Variants in LRRC7 observed in about 807,000 individuals in gnomAD.
LRRC7 encodes the protein leucine-rich repeat-containing protein 7.
A neutral mutation model predicts 175.7 loss-of-function variants in LRRC7; 23 were observed. The ratio of observed to expected loss-of-function variants is 0.13; its 90% CI spans 0.09 to 0.19. The LOEUF is 0.19. LRRC7 is among the 10% of genes least tolerant of loss of function. The pLI, the probability that LRRC7 is intolerant of heterozygous loss-of-function variation, is 1.00. For missense variants in LRRC7, 1,354 were observed against 1,904.7 expected (o/e 0.71, Z 5.38); for synonymous variants, 685 against 680.9 (o/e 1.01, Z -0.09).
intron 4 of LRRC7, among the ~76,000 whole-genome samples, chr1:69,806,443 A>G (rs1244631952): frequency 6.6e-6 from 1 of 151,912 alleles, no homozygotes; most frequent in Non-Finnish European, 1.5e-5. Context: ...ATGTGTTTGT[A>G]AGGCAGAATC....
chr1:69,964,720 G>C (rs1010966755), intron 8 of LRRC7, among the ~76,000 whole-genome samples: 1 of 152,172 alleles, frequency 6.6e-6, no homozygotes, highest in African/African-American at 2.4e-5. Context: ...TTAACTTCCT[G>C]TGACTTTCCT....
At chr1:69,633,628 C>T (rs536488712) in intron 1 of LRRC7, among the ~76,000 whole-genome samples, 1 of 152,116 alleles carries the variant, frequency 6.6e-6, no homozygotes, top group Non-Finnish European at 1.5e-5. Flanking sequence ...AGTATTTCAC[C>T]ATGTTGGCCA....
chr1:69,849,671 A>G (rs1682759599), intron 7 of LRRC7, among the ~76,000 whole-genome samples: 2 of 152,060 alleles, frequency 1.3e-5, no homozygotes, highest in Admixed American at 6.6e-5. Context: ...TGTTCATACA[A>G]TAACATCTAA....
rs566714536 is a variant in LRRC7 at position 69,570,659 on chromosome 1, GTGTTTTTTGTTTGTTTGT to G, written c.2+2038_2+2055del. Among the ~76,000 whole-genome samples, 1,345 of 152,122 alleles carry G rather than the reference GTGTTTTTTGTTTGTTTGT, an allele frequency of 8.8e-3. 18 individuals carry two copies. Among genetic ancestry groups the G allele is most frequent in the African/African-American group, 0.031 (1,278 of 41,416 alleles). On this transcript the variant is annotated intron_variant, in intron 1 of 26. Transcript: ENST00000651989. ...AGGACTCTAAGGGAACTACCACGAG[GTGTTTTTTGTTTGTTTGT>G]TGTTTTTTGTTTGTTTGTTTTTACA...
rs551006418 is a variant in LRRC7, at chr1:69,697,281, A to G, written c.100+18803A>G. Among the ~76,000 whole-genome samples the G allele has an allele frequency of 3.3e-4, 50 of 152,214 alleles. No homozygotes were observed. In the South Asian group the frequency reaches 8.7e-3, roughly 27 times the overall value. ...CTCCTGGATATTTTACACAAACTCA[A>G]TTCTTAAAATCCAGGTGCTCCAAAC... On this transcript the variant is annotated intron_variant, in intron 2 of 26. Transcript: ENST00000651989.
intron 26 of LRRC7, among the ~76,000 whole-genome samples, chr1:70,114,190 C>T (rs896152048): frequency 6.6e-6 from 1 of 152,116 alleles, no homozygotes; most frequent in African/African-American, 2.4e-5. Flanking sequence ...TTCCACATTT[C>T]TATAGTTTAT....
intron 7 of LRRC7, among the ~76,000 whole-genome samples, chr1:69,916,702 T>C (rs1557885366): frequency 6.6e-6 from 1 of 152,112 alleles, no homozygotes; most frequent in Admixed American, 6.6e-5. Context: ...GAATCATTCA[T>C]TCATGCCTGT....
chr1:69,717,946 AAG>A (rs2100763553), intron 2 of LRRC7, among the ~76,000 whole-genome samples: 1 of 85,708 alleles, frequency 1.2e-5, no homozygotes, highest in South Asian at 4.2e-4. Context: ...GAAAGAAAGA[AAG>A]AAAGAAAGAA....
intron 7 of LRRC7, among the ~76,000 whole-genome samples, chr1:69,917,054 T>A (rs1380201593): frequency 1.3e-5 from 2 of 152,138 alleles, no homozygotes; most frequent in Non-Finnish European, 2.9e-5. Flanking sequence ...ATTTTACACA[T>A]TTCAACAATT....
chr1:69,711,689 G>A (rs1378346102), intron 2 of LRRC7, among the ~76,000 whole-genome samples: 1 of 152,184 alleles, frequency 6.6e-6, no homozygotes, highest in Non-Finnish European at 1.5e-5. Context: ...GTGTCGTCAT[G>A]GCTCAAGTGC....
At chr1:69,922,684 A>C (rs996648157) in intron 7 of LRRC7, among the ~76,000 whole-genome samples, 11 of 152,122 alleles carry the variant, frequency 7.2e-5, no homozygotes, top group African/African-American at 2.7e-4. Context: ...ATCATCTCAA[A>C]ATTACCACTA....
intron 2 of LRRC7, among the ~76,000 whole-genome samples, chr1:69,750,232 G>A (rs999475989): frequency 6.6e-6 from 1 of 151,840 alleles, no homozygotes; most frequent in Non-Finnish European, 1.5e-5. Context: ...ACAGTTAAGA[G>A]CAAAGGAGCA....
intron 7 of LRRC7, among the ~76,000 whole-genome samples, chr1:69,905,995 TC>T (rs1344776257): frequency 6.6e-6 from 1 of 152,268 alleles, no homozygotes; most frequent in East Asian, 1.9e-4. Context: ...GATTTGCATT[TC>T]TCTGATGGCC....
At chr1:69,750,694 G>A (rs911123148) in intron 2 of LRRC7, among the ~76,000 whole-genome samples, 16 of 152,252 alleles carry the variant, frequency 1.1e-4, no homozygotes, top group Admixed American at 4.6e-4. Flanking sequence ...CCAAGATGAT[G>A]TCTTATTGCT....
At chr1:69,619,711 G>A (rs1650251845) in intron 1 of LRRC7, among the ~76,000 whole-genome samples, 1 of 152,054 alleles carries the variant, frequency 6.6e-6, no homozygotes, top group Admixed American at 6.6e-5. Context: ...TTGGAATTTT[G>A]GAAAACTTTT....
intron 8 of LRRC7, among the ~76,000 whole-genome samples, chr1:69,936,960 C>A (rs753293194): frequency 2.6e-5 from 4 of 152,028 alleles, no homozygotes; most frequent in Non-Finnish European, 5.9e-5. Flanking sequence ...TTTCTTTATC[C>A]AGTCCACCAT....
At chr1:69,604,527 C>G (rs1647231743) in intron 1 of LRRC7, among the ~76,000 whole-genome samples, 2 of 152,104 alleles carry the variant, frequency 1.3e-5, no homozygotes, top group Admixed American at 1.3e-4. Context: ...AATACCTTAA[C>G]TTGATTTAGT....
At chr1:70,100,752 G>A (rs572686201) in intron 25 of LRRC7, among the ~76,000 whole-genome samples, 1 of 151,786 alleles carries the variant, frequency 6.6e-6, no homozygotes, top group Non-Finnish European at 1.5e-5. Context: ...ACAATTAACT[G>A]GTTTGTGATG....
At chr1:69,842,582 TG>T (rs1194884124) in intron 7 of LRRC7, among the ~76,000 whole-genome samples, 1 of 152,120 alleles carries the variant, frequency 6.6e-6, no homozygotes, top group Non-Finnish European at 1.5e-5. Context: ...ACAGAATTAC[TG>T]GGGTAATATC....
Sources: allele counts gnomAD v4.1 joint callset (sites outside exome capture counted in the v4.1 genomes callset), GRCh38; gene constraint gnomAD v4.1.1; transcripts MANE v1.5; gene names NCBI Gene and HGNC (gene_info 2026-07-23, HGNC 2026-07-21).